Variants in HCLS1 observed in about 807,000 individuals in gnomAD.
HCLS1 encodes hematopoietic lineage cell-specific protein.
In HCLS1, 44 loss-of-function variants were observed where a neutral mutation model predicts 68.6. That is an observed-to-expected ratio of 0.64 (90% CI 0.50 to 0.82). HCLS1 has a LOEUF of 0.82. Among genes scored for constraint, HCLS1 ranks in the 40% least tolerant of loss-of-function variants. The pLI, the probability that HCLS1 is intolerant of heterozygous loss-of-function variation, is 0.00. For missense variants in HCLS1, 602 were observed against 612.1 expected (o/e 0.98, Z 0.17); for synonymous variants, 217 against 225.8 (o/e 0.96, Z 0.35).
rs1435633534 is a variant in HCLS1, at chr3:121,632,472, T to C, written c.1100A>G (p.Glu367Gly). Residue 367 changes from glutamate (E) to glycine (G), a missense_variant, in exon 12 of 14, where the codon GAG becomes GGG. Glu to Gly is a moderately conservative substitution (Grantham distance 98, BLOSUM62 -2). Coordinates refer to ENST00000314583, the MANE Select transcript of HCLS1 (RefSeq NM_005335.6). Reference sequence around the variant, plus strand: ...CTCAGGCTCGGGCTCAGGCTCGGGCTCAGGCTCAGGCTCTGCTTCGTACAC... The same window carrying C: ...CTCAGGCTCGGGCTCAGGCTCGGGCCCAGGCTCAGGCTCTGCTTCGTACAC... ...EPVYEAEPEP[E>G]PEPEPEPEND... is the part of the protein sequence containing the mutation. 1 of 1,613,054 alleles carries C rather than the reference T, an allele frequency of 6.2e-7. No homozygotes were observed. The highest frequency in any genetic ancestry group is 1.3e-5 in the African/African-American group (1 of 74,838).
rs1304992946 is a variant in HCLS1, at chr3:121,660,902, G to A, written c.-83C>T. The A allele has an allele frequency of 2.0e-5, 3 of 152,456 alleles. No homozygotes were observed. The highest frequency in any genetic ancestry group is 4.8e-5 in the African/African-American group (2 of 41,468). 9.4% of individuals were successfully genotyped at this position (152,456 alleles called of 1,614,324 possible). Reference sequence around the variant, plus strand: ...CCTCTCTGGCTGCTGCCACTTCGGAGTGAGAAACTGAGCTGCTGCTTCAGT... The same window carrying A: ...CCTCTCTGGCTGCTGCCACTTCGGAATGAGAAACTGAGCTGCTGCTTCAGT... On this transcript the variant is annotated 5_prime_UTR_variant, in exon 1 of 14. Coordinates refer to ENST00000314583, the MANE Select transcript of HCLS1 (RefSeq NM_005335.6).
chr3:121,649,337 G>A (rs1937688141), intron 3 of HCLS1, among the ~76,000 whole-genome samples: 1 of 152,174 alleles, frequency 6.6e-6, no homozygotes, highest in South Asian at 2.1e-4. Context: ...CCGGGTTCAA[G>A]TGATTCTCTT....
rs753458716 is a variant in HCLS1 at position 121,647,390 on chromosome 3, T to C, written c.217A>G (p.Met73Val). The C allele has an allele frequency of 1.9e-6, 3 of 1,613,974 alleles. No homozygotes were observed. Among genetic ancestry groups the C allele is most frequent in the African/African-American group, 2.7e-5 (2 of 74,910 alleles). Reference protein sequence around the residue: ...EEHDVLRKKEMESGPKASHGY... With the variant: ...EEHDVLRKKEVESGPKASHGY... Reference sequence around the variant, plus strand: ...TGGGATGCTTTGGGCCCTGACTCCATCTCTTTCTTCCTGAGAACATCATGC... The same window carrying C: ...TGGGATGCTTTGGGCCCTGACTCCACCTCTTTCTTCCTGAGAACATCATGC... The change falls in exon 4 of 14, where the codon ATG becomes GTG. Residue 73 changes from methionine to valine, a missense_variant. Physicochemically the swap from Met to Val is conservative, Grantham distance 21 (BLOSUM62 1). Coordinates refer to ENST00000314583, the MANE Select transcript of HCLS1 (RefSeq NM_005335.6).
At chr3:121,659,846 C>T (rs1576224111) in intron 1 of HCLS1, among the ~76,000 whole-genome samples, 1 of 152,350 alleles carries the variant, frequency 6.6e-6, no homozygotes, top group East Asian at 1.9e-4. Context: ...GCAATGAGGA[C>T]TGATGGTCCC....
intron 3 of HCLS1, among the ~76,000 whole-genome samples, chr3:121,650,518 T>A (rs1937726232): frequency 6.6e-6 from 1 of 152,168 alleles, no homozygotes; most frequent in Non-Finnish European, 1.5e-5. Context: ...GACCCACATG[T>A]ATGTGGTCAA....
intron 11 of HCLS1, 53 bp from the exon 12 acceptor site, chr3:121,632,616 A>T (rs1027499011): frequency 6.5e-7 from 1 of 1,532,674 alleles, no homozygotes; most frequent in African/African-American, 1.4e-5. Context: ...GGAGGAATCA[A>T]TGGAGGACTG....
intron 3 of HCLS1, among the ~76,000 whole-genome samples, chr3:121,652,873 A>G (rs996686541): frequency 6.6e-6 from 1 of 152,214 alleles, no homozygotes; most frequent in Admixed American, 6.5e-5. Context: ...TCATTTCAAC[A>G]AAAGAATTAC....
intron 5 of HCLS1, chr3:121,643,813 T>C (rs189045749): frequency 6.6e-6 from 1 of 152,312 alleles, no homozygotes; most frequent in Admixed American, 6.5e-5. Context: ...GAGCAAAAGA[T>C]GTAAGAATCG....
At chr3:121,647,482 C>T in intron 3 of HCLS1, 34 bp from the exon 4 acceptor site, 1 of 1,610,026 alleles carries the variant, frequency 6.2e-7, no homozygotes, top group Non-Finnish European at 8.5e-7. Flanking sequence ...GCTCATCTAT[C>T]CTAGGGAGAT....
intron 6 of HCLS1, among the ~76,000 whole-genome samples, chr3:121,637,493 A>G (rs1035439951): frequency 6.6e-6 from 1 of 151,910 alleles, no homozygotes; most frequent in African/African-American, 2.4e-5. Context: ...GAACATTCCC[A>G]TTTTCTCCCT....
intron 1 of HCLS1, among the ~76,000 whole-genome samples, chr3:121,659,732 G>T (rs1378778015): frequency 6.6e-6 from 1 of 151,872 alleles, no homozygotes; most frequent in Non-Finnish European, 1.5e-5. Flanking sequence ...CTACCCCTCT[G>T]CTTCTCATCC....
At chr3:121,648,467 T>C (rs1013647110) in intron 3 of HCLS1, among the ~76,000 whole-genome samples, 31 of 152,174 alleles carry the variant, frequency 2.0e-4, no homozygotes, top group African/African-American at 7.5e-4. Flanking sequence ...TGGACACATA[T>C]AAGGATCCGG....
chr3:121,657,079 A>C (rs1576222495), intron 3 of HCLS1, 200 bp downstream of exon 3: 2 of 520,260 alleles, frequency 3.8e-6, no homozygotes, highest in East Asian at 5.9e-5. Flanking sequence ...TGAGGAGGGT[A>C]AGAGGAGAGA....
At chr3:121,647,013 G>A (rs372080261) in intron 4 of HCLS1, among the ~76,000 whole-genome samples, 2 of 139,852 alleles carry the variant, frequency 1.4e-5, no homozygotes, top group Admixed American at 7.6e-5. Flanking sequence ...ACAGAGTCTC[G>A]CTCTGTCTCC....
In HCLS1 at chr3:121,632,314, TCTC is replaced by T. The variant is rs1358868915; in HGVS notation, c.1240+15_1240+17del. ...CTGGACATGAGCAAATTCTCCTGCT[TCTC>T]CTCCCATCACTCACCAGCCAGAGCA... On this transcript the variant is annotated intron_variant, in intron 12 of 13. Transcript: ENST00000314583. The T allele has an allele frequency of 1.9e-6, 3 of 1,612,634 alleles. No homozygotes were observed. Among genetic ancestry groups the T allele is most frequent in the Non-Finnish European group, 2.5e-6 (3 of 1,178,800 alleles).
Position 121,658,327 on chromosome 3 carries a change from G to A in HCLS1, c.21C>T (p.Gly7=). Reference sequence around the variant, plus strand: ...TCTCCACGGAAACAGACACATCATGGCCCACTACAGACTTCCACATCTGAG... The same window carrying A: ...TCTCCACGGAAACAGACACATCATGACCCACTACAGACTTCCACATCTGAG... MWKSVV[G]HDVSVSVETQ... Residue 7 remains glycine (G), a synonymous_variant, in exon 2 of 14, where the codon GGC becomes GGT. Coordinates refer to ENST00000314583, the MANE Select transcript of HCLS1 (RefSeq NM_005335.6). 1 of 1,613,544 alleles carries A rather than the reference G, an allele frequency of 6.2e-7. No homozygotes were observed. The highest frequency in any genetic ancestry group is 1.1e-5 in the South Asian group (1 of 91,072).
intron 4 of HCLS1, among the ~76,000 whole-genome samples, chr3:121,645,784 T>C (rs2049240694): frequency 6.7e-6 from 1 of 150,182 alleles, no homozygotes; most frequent in Admixed American, 6.7e-5. Flanking sequence ...AGTCAAAAAA[T>C]ATATATTTTG....
At chr3:121,655,460 C>CCCTTT (rs1937841022) in intron 3 of HCLS1, 1 of 65,872 alleles carries the variant, frequency 1.5e-5, no homozygotes. Context: ...GGGTTGCTTG[C>CCCTTT]TCTTTTTTTT....
intron 3 of HCLS1, among the ~76,000 whole-genome samples, chr3:121,649,816 A>G (rs1937704043): frequency 6.6e-6 from 1 of 152,202 alleles, no homozygotes; most frequent in Admixed American, 6.5e-5. Flanking sequence ...AAAATGTAGC[A>G]CCTCAAAGAT....
Sources: allele counts gnomAD v4.1 joint callset (sites outside exome capture counted in the v4.1 genomes callset), GRCh38; gene constraint gnomAD v4.1.1; transcripts MANE v1.5; gene names NCBI Gene and HGNC (gene_info 2026-07-23, HGNC 2026-07-21).